CADM2: variants seen among roughly 807,000 people sequenced by gnomAD.
CADM2 encodes cell adhesion molecule 2.
Under a neutral mutation model 49.8 loss-of-function variants are expected in CADM2, and 12 were observed. That is an observed-to-expected ratio of 0.24 (90% CI 0.15 to 0.39). The LOEUF is 0.39. Among genes scored for constraint, CADM2 ranks in the 10% least tolerant of loss-of-function variants. CADM2 has a pLI of 1.00. For synonymous variants in CADM2, 214 were observed against 175.4 expected (o/e 1.22, Z -1.74); for missense variants, 378 against 492.3 (o/e 0.77, Z 2.20).
At chr3:85,726,938 T>C (rs2067722572) in intron 2 of CADM2, among the ~76,000 whole-genome samples, 1 of 152,124 alleles carries the variant, frequency 6.6e-6, no homozygotes, top group Non-Finnish European at 1.5e-5. Context: ...TAGAATTATG[T>C]GAAAATAAAA....
rs550758892 is a variant in CADM2, at chr3:85,141,642, A to C, written c.61+181974A>C. Reference sequence around the variant, plus strand: ...TTTAAGGAAGTTGTAACAGAGATCCAATCCTTTTTAATTCTGGCATTTTTT... The same window carrying C: ...TTTAAGGAAGTTGTAACAGAGATCCCATCCTTTTTAATTCTGGCATTTTTT... On this transcript the variant is annotated intron_variant, in intron 1 of 9. Transcript: ENST00000383699. Among the ~76,000 whole-genome samples the C allele has an allele frequency of 5.3e-4, 80 of 152,342 alleles. No individual in the cohort carries two copies. The Middle Eastern group carries it at 0.014, about 26-fold the overall frequency.
At chr3:85,982,790 A>T (rs1417194899) in intron 8 of CADM2, among the ~76,000 whole-genome samples, 1 of 151,708 alleles carries the variant, frequency 6.6e-6, no homozygotes. Context: ...GTTCAAAATC[A>T]TGATTAAAAA....
chr3:85,331,838 T>C (rs2107153454), intron 1 of CADM2, among the ~76,000 whole-genome samples: 1 of 152,194 alleles, frequency 6.6e-6, no homozygotes, highest in South Asian at 2.1e-4. Context: ...TGATTCTTCT[T>C]TCTGGAAATA....
intron 2 of CADM2, among the ~76,000 whole-genome samples, chr3:85,735,744 GT>G (rs2068107837): frequency 6.6e-6 from 1 of 151,390 alleles, no homozygotes; most frequent in African/African-American, 2.4e-5. Flanking sequence ...TGTTTTGTTT[GT>G]TTTGTGTGTG....
intron 1 of CADM2, among the ~76,000 whole-genome samples, chr3:85,019,346 G>T (rs2107284979): frequency 6.6e-6 from 1 of 152,258 alleles, no homozygotes; most frequent in Middle Eastern, 3.4e-3. Context: ...ACCAGGGTGT[G>T]GTGGTGCATG....
At chr3:85,031,570 A>T (rs188858591) in intron 1 of CADM2, among the ~76,000 whole-genome samples, 1 of 152,136 alleles carries the variant, frequency 6.6e-6, no homozygotes, top group East Asian at 1.9e-4. Flanking sequence ...GCTGGAGTGC[A>T]GTGGCGCGAT....
At chr3:85,102,154 C>T (rs73843291) in intron 1 of CADM2, among the ~76,000 whole-genome samples, 449 of 152,304 alleles carry the variant, frequency 2.9e-3, no homozygotes, top group African/African-American at 9.5e-3. Flanking sequence ...AGCTCCAACC[C>T]CTGCCATTGT....
intron 1 of CADM2, among the ~76,000 whole-genome samples, chr3:85,118,019 G>T (rs1236185525): frequency 6.6e-6 from 1 of 151,968 alleles, no homozygotes; most frequent in African/African-American, 2.4e-5. Context: ...TCTCTAAACT[G>T]CTAGTTTCTT....
intron 1 of CADM2, among the ~76,000 whole-genome samples, chr3:85,664,355 C>T (rs2065499376): frequency 6.6e-6 from 1 of 151,930 alleles, no homozygotes; most frequent in South Asian, 2.1e-4. Context: ...AAAATTCTGT[C>T]CTTCTCTTCC....
chr3:85,220,299 T>C (rs2042016987), intron 1 of CADM2, among the ~76,000 whole-genome samples: 1 of 152,148 alleles, frequency 6.6e-6, no homozygotes, highest in Non-Finnish European at 1.5e-5. Context: ...ATATTCATGA[T>C]GTAATCTCTA....
intron 1 of CADM2, among the ~76,000 whole-genome samples, chr3:85,106,814 A>G (rs1360692346): frequency 6.6e-6 from 1 of 152,158 alleles, no homozygotes; most frequent in African/African-American, 2.4e-5. Context: ...AGAAGCATCT[A>G]TATACAGCAT....
chr3:85,631,794 A>G (rs1371954660), intron 1 of CADM2, among the ~76,000 whole-genome samples: 1 of 152,088 alleles, frequency 6.6e-6, no homozygotes, highest in Non-Finnish European at 1.5e-5. Context: ...GAGGCTTTGG[A>G]ACAATCAATA....
In CADM2 at chr3:86,027,341, C is replaced by T. The variant is rs888944074; in HGVS notation, c.971-38264C>T. 5.9e-5 allele frequency among the ~76,000 whole-genome samples: 9 copies of T among 152,140 alleles called. No homozygotes were observed. In the South Asian group the frequency reaches 1.9e-3, roughly 32 times the overall value. ...TATATTGGAAGGCAAAAGTATTTTC[C>T]CATTATGTAATGTTATTTATAAACC... On this transcript the variant is annotated intron_variant, in intron 8 of 9. Transcript: ENST00000383699.
At chr3:85,971,206 A>G (rs1726080101) in intron 8 of CADM2, among the ~76,000 whole-genome samples, 5 of 151,632 alleles carry the variant, frequency 3.3e-5, no homozygotes, top group Admixed American at 1.3e-4. Flanking sequence ...TTGAATCTGA[A>G]CCAACGCCCT....
intron 1 of CADM2, among the ~76,000 whole-genome samples, chr3:85,314,651 T>A (rs759864120): frequency 3.3e-5 from 5 of 152,148 alleles, no homozygotes; most frequent in Non-Finnish European, 7.3e-5. Context: ...TACCTCTTAC[T>A]CAATAAATAA....
chr3:85,755,598 T>C (rs2069076448), intron 2 of CADM2, among the ~76,000 whole-genome samples: 1 of 152,210 alleles, frequency 6.6e-6, no homozygotes, highest in South Asian at 2.1e-4. Context: ...CCATGGGCTG[T>C]ACAGGAAGCA....
intron 1 of CADM2, among the ~76,000 whole-genome samples, chr3:85,369,160 G>T (rs957969360): frequency 1.3e-5 from 2 of 152,126 alleles, no homozygotes; most frequent in Non-Finnish European, 2.9e-5. Context: ...GTAACTTATT[G>T]CAGTGAAATT....
chr3:84,972,597 A>G (rs2031533520), intron 1 of CADM2, among the ~76,000 whole-genome samples: 1 of 152,210 alleles, frequency 6.6e-6, no homozygotes, highest in Admixed American at 6.5e-5. Flanking sequence ...TTTTATTATT[A>G]GGAAGTGGAC....
At chr3:84,985,686 C>G (rs2032511641) in intron 1 of CADM2, among the ~76,000 whole-genome samples, 2 of 152,066 alleles carry the variant, frequency 1.3e-5, no homozygotes. Flanking sequence ...CGAAATTATC[C>G]TCAATGTCAC....
Sources: gnomAD v4.1 joint callset for allele counts (sites outside exome capture counted in the v4.1 genomes callset) on GRCh38, gnomAD v4.1.1 for gene constraint, MANE v1.5 for transcripts, NCBI Gene and HGNC (gene_info 2026-07-23, HGNC 2026-07-21) for gene names.